Variants in SPTSSB observed in about 807,000 individuals in gnomAD.
The protein encoded by SPTSSB is androgen down regulated in mouse prostate.
SPTSSB carries 6 observed loss-of-function variants against 7.7 expected under a neutral mutation model. That is an observed-to-expected ratio of 0.78 (90% confidence interval 0.43 to 1.54). The LOEUF (loss-of-function observed/expected upper bound fraction) is 1.54, where lower values mean the gene tolerates loss of function less well. SPTSSB is among the 40% of genes most tolerant of loss of function. SPTSSB has a pLI of 0.01. For missense variants in SPTSSB, 91 were observed against 93.0 expected (o/e 0.98, Z 0.09); for synonymous variants, 28 against 29.7 (o/e 0.94, Z 0.19).
intron 2 of SPTSSB, among the ~76,000 whole-genome samples, chr3:161,358,287 C>T (rs1714866989): frequency 6.6e-6 from 1 of 151,950 alleles, no homozygotes; most frequent in Non-Finnish European, 1.5e-5. Flanking sequence ...GTCATGAGGG[C>T]CATGTGGGGA....
chr3:161,347,450 TG>T (rs1215954016), intron 2 of SPTSSB, among the ~76,000 whole-genome samples: 3 of 151,870 alleles, frequency 2.0e-5, no homozygotes, highest in African/African-American at 7.2e-5. Context: ...TTAGTAGAGA[TG>T]GGGTTTCACC....
intron 1 of SPTSSB, among the ~76,000 whole-genome samples, chr3:161,368,129 T>C (rs1715293896): frequency 6.6e-6 from 1 of 152,232 alleles, no homozygotes; most frequent in Non-Finnish European, 1.5e-5. Context: ...TCATATATTT[T>C]AATGTGGTCA....
At position 161,345,413 on chromosome 3, in the gene SPTSSB, T is replaced by C. The variant is rs1285790269; in HGVS notation, c.*680A>G. On this transcript the variant is annotated 3_prime_UTR_variant, in exon 3 of 3. Transcript: ENST00000620149. The stretch of plus-strand genomic sequence containing the variant: ...TTGATTATACTTTAGTTTCTTACAC[T>C]TAAAATTATTTTGTATTATAATACT... 6.6e-6 allele frequency: 1 copy of C among 152,594 alleles called. No homozygotes were observed. Among genetic ancestry groups the C allele is most frequent in the Admixed American group, 6.5e-5 (1 of 15,276 alleles). The allele number at this position is 152,594 out of a possible 1,614,324, so 9.5% of individuals were successfully genotyped here. A position where few individuals can be genotyped will look rare whatever the true frequency, so the allele number is the denominator to read the frequency against.
In SPTSSB at chr3:161,346,278, GA is replaced by G; in HGVS notation, c.45del (p.Gln16AsnfsTer11). The G allele has an allele frequency of 6.2e-7, 1 of 1,613,924 alleles. No individual in the cohort carries two copies. Among genetic ancestry groups the G allele is most frequent in the Non-Finnish European group, 8.5e-7 (1 of 1,179,872 alleles). ...RVKEYFSWLY[Y>X]QYQIISCCAV... ...GCACAGCAGCTAATGATTTGGTATT[GA>G]TAGTAGAGCCAGGAGAAATATTCCT... On this transcript the variant is annotated frameshift_variant, in exon 3 of 3. Transcript: ENST00000620149. LOFTEE classifies it high-confidence loss of function.
intron 2 of SPTSSB, among the ~76,000 whole-genome samples, chr3:161,346,815 G>A (rs1334526434): frequency 6.6e-6 from 1 of 152,116 alleles, no homozygotes; most frequent in East Asian, 1.9e-4. Flanking sequence ...CCAAGACAGA[G>A]GGAACAATAT....
At chr3:161,358,177 G>A (rs1040741173) in intron 2 of SPTSSB, among the ~76,000 whole-genome samples, 1 of 151,120 alleles carries the variant, frequency 6.6e-6, no homozygotes, top group African/African-American at 2.4e-5. Flanking sequence ...CACTGCCCCC[G>A]GCAGAAACAG....
At chr3:161,354,534 C>G (rs1714684372) in intron 2 of SPTSSB, among the ~76,000 whole-genome samples, 1 of 152,126 alleles carries the variant, frequency 6.6e-6, no homozygotes, top group Admixed American at 6.6e-5. Flanking sequence ...TTTGTAGAGG[C>G]CAGGTTGTAC....
chr3:161,357,581 C>T (rs1450156309), intron 2 of SPTSSB, among the ~76,000 whole-genome samples: 1 of 152,152 alleles, frequency 6.6e-6, no homozygotes, highest in Non-Finnish European at 1.5e-5. Context: ...CCGCCCAAAA[C>T]CTATGTTCAT....
intron 2 of SPTSSB, among the ~76,000 whole-genome samples, chr3:161,353,512 G>A (rs1714637547): frequency 6.6e-6 from 1 of 151,754 alleles, no homozygotes; most frequent in Admixed American, 6.6e-5. Flanking sequence ...GTAAACAAAT[G>A]GCGAAATATT....
intron 2 of SPTSSB, among the ~76,000 whole-genome samples, chr3:161,352,038 G>A (rs1714563329): frequency 6.6e-6 from 1 of 152,212 alleles, no homozygotes; most frequent in African/African-American, 2.4e-5. Context: ...CTCTCCATCT[G>A]TTGCTTGCAC....
At position 161,369,385 on chromosome 3, in the gene SPTSSB, C is replaced by CTTTT. The variant is rs71149710; in HGVS notation, c.-126+2046_-126+2049dup. ...TTCTCTCTCTGTCTCTCTTTCTTTC[C>CTTTT]TTTTTTTTTTTTTTTTTTTTTTTTT... is the stretch of plus-strand genomic sequence containing the variant. On this transcript the variant is annotated intron_variant, in intron 1 of 2. Coordinates refer to ENST00000620149, the MANE Select transcript of SPTSSB (RefSeq NM_001040100.2). Among the ~76,000 whole-genome samples, 18 of 29,662 alleles carry CTTTT rather than the reference C, an allele frequency of 6.1e-4. 3 individuals carry two copies. The highest frequency in any genetic ancestry group is 3.4e-3 in the African/African-American group (17 of 5,072). The allele number at this position is 29,662 out of a possible 152,430, so 19.5% of individuals were successfully genotyped here.
intron 2 of SPTSSB, among the ~76,000 whole-genome samples, chr3:161,349,722 C>G (rs781687587): frequency 6.6e-6 from 1 of 152,170 alleles, no homozygotes; most frequent in African/African-American, 2.4e-5. Flanking sequence ...GGTACAGTGG[C>G]CTGGATACAG....
At chr3:161,361,455 A>G (rs554010375) in intron 1 of SPTSSB, among the ~76,000 whole-genome samples, 1 of 152,324 alleles carries the variant, frequency 6.6e-6, no homozygotes, top group East Asian at 1.9e-4. Context: ...AGAATTATTT[A>G]CTTTGTTAAA....
rs143599888 is a variant in SPTSSB at position 161,368,116 on chromosome 3, ATTTCATATAT to A, written c.-126+3309_-126+3318del. ...TGTGACACCTGTGAAATTCTTAAATATTTCATATATTTTAATGTGGTCATTGGGGAAAAGC... is the reference window on the plus strand; with the variant it reads ...TGTGACACCTGTGAAATTCTTAAATATTTAATGTGGTCATTGGGGAAAAGC... On this transcript the variant is annotated intron_variant, in intron 1 of 2. Coordinates refer to ENST00000620149, the MANE Select transcript of SPTSSB (RefSeq NM_001040100.2). 6.5e-4 allele frequency among the ~76,000 whole-genome samples: 99 copies of A among 152,332 alleles called. No homozygotes were observed. In the East Asian group the frequency reaches 0.015, roughly 23 times the overall value.
chr3:161,347,444 T>C (rs1714301791), intron 2 of SPTSSB, among the ~76,000 whole-genome samples: 1 of 151,922 alleles, frequency 6.6e-6, no homozygotes, highest in African/African-American at 2.4e-5. Flanking sequence ...GCATTTTTAG[T>C]AGAGATGGGG....
At chr3:161,350,543 A>G (rs1237806028) in intron 2 of SPTSSB, among the ~76,000 whole-genome samples, 1 of 151,714 alleles carries the variant, frequency 6.6e-6, no homozygotes, top group African/African-American at 2.4e-5. Flanking sequence ...TGTGCTTCAT[A>G]TTTGGAACCT....
intron 1 of SPTSSB, among the ~76,000 whole-genome samples, chr3:161,364,870 G>GT (rs1251939942): frequency 4.6e-5 from 7 of 151,542 alleles, no homozygotes; most frequent in Admixed American, 1.3e-4. Flanking sequence ...GACATCTTGC[G>GT]CTTTTTTCCT....
intron 2 of SPTSSB, 168 bp downstream of exon 2, chr3:161,359,634 C>T (rs999328912): frequency 7.1e-6 from 5 of 708,054 alleles, no homozygotes; most frequent in Admixed American, 6.3e-5. Context: ...GCTAATTGCC[C>T]CATTTTATTC....
chr3:161,345,445 G>T lies in SPTSSB; in HGVS notation c.*648C>A, dbSNP rs559623388. On this transcript the variant is annotated 3_prime_UTR_variant, in exon 3 of 3. Transcript: ENST00000620149. ...TATTTTGTATTATAATACTTACTTG[G>T]TTATCTAAAATCAACATTGTTGATT... is the stretch of plus-strand genomic sequence containing the variant. 1 of 152,368 alleles carries T rather than the reference G, an allele frequency of 6.6e-6. No individual in the cohort carries two copies. The highest frequency in any genetic ancestry group is 1.9e-4 in the East Asian group (1 of 5,168). 9.4% of individuals were successfully genotyped at this position (152,368 alleles called of 1,614,324 possible).
Sources: allele counts gnomAD v4.1 joint callset (sites outside exome capture counted in the v4.1 genomes callset), GRCh38; gene constraint gnomAD v4.1.1; transcripts MANE v1.5; gene names NCBI Gene and HGNC (gene_info 2026-07-23, HGNC 2026-07-21).